TRIM52: variants seen among roughly 807,000 people sequenced by gnomAD.
TRIM52 encodes the protein E3 ubiquitin-protein ligase TRIM52.
Under a neutral mutation model 27.0 loss-of-function variants are expected in TRIM52, and 24 were observed. The ratio of observed to expected loss-of-function variants is 0.89; its 90% CI spans 0.64 to 1.25. The LOEUF (loss-of-function observed/expected upper bound fraction) is 1.25, where lower values mean the gene tolerates loss of function less well. TRIM52 is among the 50% of genes most tolerant of loss of function. TRIM52 has a pLI of 0.00. For missense variants in TRIM52, 351 were observed against 354.7 expected (o/e 0.99, Z 0.08); for synonymous variants, 125 against 126.5 (o/e 0.99, Z 0.08).
At chr5:181,259,825 G>A (rs993907845) in intron 1 of TRIM52, 176 bp downstream of exon 1, 14 of 1,410,282 alleles carry the variant, frequency 9.9e-6, no homozygotes, top group African/African-American at 4.3e-5. Context: ...TCATGGTTTT[G>A]TGTCTCCTTT....
Position 181,260,249 on chromosome 5 carries a change from T to A in TRIM52, c.565A>T (p.Ser189Cys). The part of the protein sequence containing the change: ...GQFTCPQCRK[S>C]FTRRSFRPNL... The stretch of plus-strand genomic sequence containing the variant: ...GGACGAAAGCTGCGACGTGTAAAGC[T>A]CTTTCGGCACTGGGGGCAGGTGAAC... The change falls in exon 1 of 2, where the codon AGC becomes TGC. Residue 189 changes from serine to cysteine, a missense_variant. Coordinates refer to ENST00000688015, the MANE Select transcript of TRIM52 (RefSeq NM_001346048.2). The surrounding 1 kb of genome is among the most constrained non-coding windows in gnomAD (Gnocchi z 4.4). 6.2e-7 allele frequency: 1 copy of A among 1,614,182 alleles called. No individual in the cohort carries two copies. The highest frequency in any genetic ancestry group is 8.5e-7 in the Non-Finnish European group (1 of 1,180,022).
downstream of TRIM52, among the ~76,000 whole-genome samples, chr5:181,253,961 AC>A (rs1206972469): frequency 1.4e-5 from 2 of 142,678 alleles, 1 homozygote; most frequent in African/African-American, 5.8e-5. Context: ...ACAGAGTGAG[AC>A]CCTGGCTCAA....
chr5:181,250,342 C>T (rs1188096328), downstream of TRIM52, among the ~76,000 whole-genome samples: 1 of 152,110 alleles, frequency 6.6e-6, no homozygotes, highest in African/African-American at 2.4e-5. Context: ...TCAAGACCAG[C>T]CTGACCAGCA....
downstream of TRIM52, among the ~76,000 whole-genome samples, chr5:181,250,625 GAAAC>G (rs1759616813): frequency 6.6e-6 from 1 of 152,144 alleles, no homozygotes; most frequent in African/African-American, 2.4e-5. Context: ...ATGGTAGAGA[GAAAC>G]AAAAGATGAC....
At position 181,260,111 on chromosome 5, in the gene TRIM52, T is replaced by G; in HGVS notation, c.703A>C (p.Lys235Gln). 6.2e-7 allele frequency: 1 copy of G among 1,614,240 alleles called. No individual in the cohort carries two copies. Among genetic ancestry groups the G allele is most frequent in the Non-Finnish European group, 8.5e-7 (1 of 1,180,050 alleles). ...TCTTTGTCCACCTCACAGAAGAGTTTCAGGGCTTCCTGGTGTTTAAAGCAC... is the reference window on the plus strand; with the variant it reads ...TCTTTGTCCACCTCACAGAAGAGTTGCAGGGCTTCCTGGTGTTTAAAGCAC... ...GMCFKHQEAL[K>Q]LFCEVDKEAI... The change falls in exon 1 of 2, where the codon AAA becomes CAA. Residue 235 changes from lysine (K) to glutamine (Q), a missense_variant. By Grantham distance (53) the Lys-to-Gln change is moderately conservative. Coordinates refer to ENST00000688015, the MANE Select transcript of TRIM52 (RefSeq NM_001346048.2). This position sits in a 1 kb window ranked among gnomAD's most constrained non-coding sequence, Gnocchi z 4.4.
rs955501958 is a variant in TRIM52, at chr5:181,255,744, C to G, written c.*1065G>C. 1.3e-5 allele frequency: 2 copies of G among 152,118 alleles called. No homozygotes were observed. The highest frequency in any genetic ancestry group is 2.9e-5 in the Non-Finnish European group (2 of 68,024). 9.4% of individuals were successfully genotyped at this position (152,118 alleles called of 1,614,324 possible). On this transcript the variant is annotated 3_prime_UTR_variant, in exon 2 of 2. Coordinates refer to ENST00000688015, the MANE Select transcript of TRIM52 (RefSeq NM_001346048.2). ...GTTTGATGTATTTCATAATGAACGGCGAAATTGGTGTTTGCCCATTGACAT... is the reference window on the plus strand; with the variant it reads ...GTTTGATGTATTTCATAATGAACGGGGAAATTGGTGTTTGCCCATTGACAT...
chr5:181,249,125 G>T (rs1214922787), downstream of TRIM52, among the ~76,000 whole-genome samples: 1 of 152,170 alleles, frequency 6.6e-6, no homozygotes, highest in East Asian at 1.9e-4. Flanking sequence ...CACGGTGCAG[G>T]CTAGGTTGGA....
Position 181,260,071 on chromosome 5 carries a change from A to G in TRIM52, c.743T>C (p.Val248Ala). ...TTTGTGGCTCCTGGATTCTCGGCAC[A>G]CCACACAGATGGCCTCTTTGTCCAC... ...CEVDKEAICV[V>A]CRESRSHKQH... Residue 248 changes from valine (V) to alanine (A), a missense_variant, in exon 1 of 2, where the codon GTG becomes GCG. Transcript: ENST00000688015. This position sits in a 1 kb window ranked among gnomAD's most constrained non-coding sequence, Gnocchi z 4.4. The G allele has an allele frequency of 6.2e-7, 1 of 1,614,118 alleles. No homozygotes were observed. The highest frequency in any genetic ancestry group is 8.5e-7 in the Non-Finnish European group (1 of 1,180,022).
chr5:181,250,659 C>T (rs150757473), downstream of TRIM52, among the ~76,000 whole-genome samples: 1 of 152,286 alleles, frequency 6.6e-6, no homozygotes, highest in East Asian at 1.9e-4. Context: ...ATTTTCTCAG[C>T]TTTCTACTGG....
chr5:181,253,332 G>A (rs1030214615), downstream of TRIM52, among the ~76,000 whole-genome samples: 1 of 142,190 alleles, frequency 7.0e-6, no homozygotes, highest in Non-Finnish European at 1.5e-5. Flanking sequence ...ACCGTGCCTG[G>A]CCCTCAGGGT....
At chr5:181,259,684 A>C (rs1285609656) in intron 1 of TRIM52, 1 of 428,798 alleles carries the variant, frequency 2.3e-6, no homozygotes, top group Non-Finnish European at 4.3e-6. Context: ...GGAGAAATGA[A>C]GTACTGGGTA....
At chr5:181,253,638 A>C (rs35803057), downstream of TRIM52, among the ~76,000 whole-genome samples, 16,920 of 142,442 alleles carry the variant, frequency 0.12, 2,241 homozygotes, top group South Asian at 0.18. Flanking sequence ...TATAATGCAT[A>C]GGACAGCTGC....
At chr5:181,250,658 G>C (rs1197208778), downstream of TRIM52, among the ~76,000 whole-genome samples, 1 of 152,214 alleles carries the variant, frequency 6.6e-6, no homozygotes, top group Admixed American at 6.5e-5. Flanking sequence ...CATTTTCTCA[G>C]CTTTCTACTG....
Position 181,260,634 on chromosome 5 carries a change from TTCCTCCTCGTTCTGG to T in TRIM52, c.165_179del (p.Asp55_Glu59del). ...CGTCCTCCTCCTCCTCCCATTCATC[TTCCTCCTCGTTCTGG>T]TCCTCCTCGTCCTCCTTACTCCACA... On this transcript the variant is annotated inframe_deletion, in exon 1 of 2. Transcript: ENST00000688015. The surrounding 1 kb of genome is among the most constrained non-coding windows in gnomAD (Gnocchi z 4.4). 2 of 1,613,930 alleles carry T rather than the reference TTCCTCCTCGTTCTGG, an allele frequency of 1.2e-6. No homozygotes were observed. The highest frequency in any genetic ancestry group is 8.5e-7 in the Non-Finnish European group (1 of 1,179,988).
chr5:181,253,124 C>T (rs1221418072), downstream of TRIM52, among the ~76,000 whole-genome samples: 1 of 142,222 alleles, frequency 7.0e-6, no homozygotes, highest in Non-Finnish European at 1.5e-5. Flanking sequence ...CAACCTCCTC[C>T]TCCCAGGTTC....
In TRIM52 at chr5:181,260,560, A is replaced by G. The variant is rs745835259; in HGVS notation, c.254T>C (p.Val85Ala). 6.8e-6 allele frequency: 11 copies of G among 1,611,106 alleles called. No homozygotes were observed. The East Asian group carries it at 2.2e-4, about 33-fold the overall frequency. Residue 85 changes from valine (V) to alanine (A), a missense_variant, in exon 1 of 2, where the codon GTG becomes GCG. Transcript: ENST00000688015. The surrounding 1 kb of genome is among the most constrained non-coding windows in gnomAD (Gnocchi z 4.4). The part of the protein sequence containing the change: ...MDGWDGSIRE[V>A]LYRGNADEEL... ...TTCGTCAGCATTCCCCCGATACAAC[A>G]CCTCTCGAATGGAGCCGTCCCATCC...
At chr5:181,252,420 G>C (rs1374876001), downstream of TRIM52, among the ~76,000 whole-genome samples, 1 of 152,224 alleles carries the variant, frequency 6.6e-6, no homozygotes, top group Non-Finnish European at 1.5e-5. Flanking sequence ...AAGAGCTCAA[G>C]TCATATGTAG....
downstream of TRIM52, chr5:181,254,729 T>A (rs1396696819): frequency 6.6e-6 from 1 of 152,168 alleles, no homozygotes; most frequent in Non-Finnish European, 1.5e-5. Context: ...AGTAGGATAG[T>A]AAGGCTGTTA....
chr5:181,260,287 G>C lies in TRIM52; in HGVS notation c.527C>G (p.Pro176Arg). Residue 176 changes from proline to arginine, a missense_variant, in exon 1 of 2, where the codon CCC becomes CGC. Physicochemically the swap from Pro to Arg is moderately radical, Grantham distance 103 (BLOSUM62 -2). Transcript: ENST00000688015. The surrounding 1 kb of genome is among the most constrained non-coding windows in gnomAD (Gnocchi z 4.4). ...YPDIHPPPSL[P>R]LPGQFTCPQC... ...GGGGCAGGTGAACTGCCCTGGAAGG[G>C]GCAAGGAAGGAGGCGGGTGGATGTC... is the stretch of plus-strand genomic sequence containing the variant. 4 of 1,614,140 alleles carry C rather than the reference G, an allele frequency of 2.5e-6. No individual in the cohort carries two copies. Among genetic ancestry groups the C allele is most frequent in the Non-Finnish European group, 3.4e-6 (4 of 1,180,018 alleles).
Sources: allele counts gnomAD v4.1 joint callset (sites outside exome capture counted in the v4.1 genomes callset), GRCh38; gene constraint gnomAD v4.1.1; non-coding constraint Gnocchi (gnomAD v3.1); transcripts MANE v1.5; gene names NCBI Gene and HGNC (gene_info 2026-07-23, HGNC 2026-07-21).